SHANK2: variants seen among roughly 807,000 people sequenced by gnomAD.
SHANK2 encodes the protein SH3 and multiple ankyrin repeat domains 2.
A neutral mutation model predicts 133.7 loss-of-function variants in SHANK2; 43 were observed. That is an observed-to-expected ratio of 0.32 (90% CI 0.25 to 0.41). SHANK2 has a LOEUF of 0.41. Among genes scored for constraint, SHANK2 ranks in the 10% least tolerant of loss-of-function variants. SHANK2 has a pLI of 1.00. For synonymous variants in SHANK2, 1,017 were observed against 952.8 expected (o/e 1.07, Z -1.24); for missense variants, 1,994 against 2,235.8 (o/e 0.89, Z 2.18).
At chr11:70,602,006 G>A (rs1310109697) in intron 17 of SHANK2, among the ~76,000 whole-genome samples, 1 of 152,212 alleles carries the variant, frequency 6.6e-6, no homozygotes, top group African/African-American at 2.4e-5. Flanking sequence ...TGTTGGAGGT[G>A]GGGCCTGGCA....
chr11:70,571,823 G>T lies in SHANK2; in HGVS notation c.2062-68892C>A, dbSNP rs531013523. Among the ~76,000 whole-genome samples, 4 of 152,174 alleles carry T rather than the reference G, an allele frequency of 2.6e-5. No individual in the cohort carries two copies. The South Asian group carries it at 8.3e-4, about 32-fold the overall frequency. ...GGGGGCCCCAAGGAGGAGTGGAGAC[G>T]AGGGGAGAGGGAACTGGAAAGCGAG... is the stretch of plus-strand genomic sequence containing the variant. On this transcript the variant is annotated intron_variant, in intron 17 of 25. Coordinates refer to ENST00000601538, the MANE Select transcript of SHANK2 (RefSeq NM_012309.5).
At chr11:70,577,967 C>A (rs565357731) in intron 17 of SHANK2, among the ~76,000 whole-genome samples, 6 of 152,092 alleles carry the variant, frequency 3.9e-5, no homozygotes, top group African/African-American at 1.4e-4. Context: ...CAGCTGAATG[C>A]GAGCCCAGGA....
At chr11:70,870,263 T>C (rs892384841) in intron 11 of SHANK2, among the ~76,000 whole-genome samples, 26 of 151,310 alleles carry the variant, frequency 1.7e-4, no homozygotes, top group African/African-American at 5.6e-4. Flanking sequence ...CCCAGAGCCG[T>C]CCCCTCCTGC....
At chr11:71,207,000 T>C (rs141880871) in intron 2 of SHANK2, among the ~76,000 whole-genome samples, 5,314 of 151,998 alleles carry the variant, frequency 0.035, 117 homozygotes, top group Middle Eastern at 0.037. Context: ...GAGTGAGGAT[T>C]GCTTGAGCCC....
rs192033877 is a variant in SHANK2, at chr11:70,681,915, G to A, written c.1853+16773C>T. On this transcript the variant is annotated intron_variant, in intron 15 of 25. Coordinates refer to ENST00000601538, the MANE Select transcript of SHANK2 (RefSeq NM_012309.5). ...AAGATGTGGAGGGGCGGACATCACC[G>A]GGCTTTATAATAACAGGGTCTGGGC... Among the ~76,000 whole-genome samples, 52 of 152,246 alleles carry A rather than the reference G, an allele frequency of 3.4e-4. 1 individual carries two copies. The highest frequency in any genetic ancestry group is 7.2e-4 in the Admixed American group (11 of 15,290).
chr11:70,710,256 C>T (rs541077854), intron 14 of SHANK2, among the ~76,000 whole-genome samples: 21 of 152,298 alleles, frequency 1.4e-4, no homozygotes, highest in Admixed American at 2.6e-4. Flanking sequence ...CTCTTCACAA[C>T]GGCCTAAGAG....
chr11:70,743,641 T>G (rs1365997432), intron 14 of SHANK2, among the ~76,000 whole-genome samples: 4 of 152,102 alleles, frequency 2.6e-5, no homozygotes, highest in African/African-American at 9.7e-5. Context: ...AGCTTCTCTA[T>G]AGAGCGACGA....
chr11:71,138,907 G>A (rs1590949347), intron 3 of SHANK2, among the ~76,000 whole-genome samples: 2 of 152,300 alleles, frequency 1.3e-5, no homozygotes, highest in South Asian at 2.1e-4. Context: ...GCCACAGGGT[G>A]AGGCAGCACA....
At chr11:70,796,771 G>T (rs1186888127) in intron 14 of SHANK2, among the ~76,000 whole-genome samples, 5 of 152,198 alleles carry the variant, frequency 3.3e-5, no homozygotes, top group African/African-American at 1.2e-4. Context: ...GGATGCCTGA[G>T]GTCAGAAGCT....
At chr11:70,704,987 C>G (rs1004590829) in intron 14 of SHANK2, among the ~76,000 whole-genome samples, 3 of 152,158 alleles carry the variant, frequency 2.0e-5, no homozygotes, top group African/African-American at 7.2e-5. Context: ...CCCCACCCAC[C>G]AGCATTGTCT....
chr11:70,617,038 TGA>T (rs1210044696), intron 17 of SHANK2, among the ~76,000 whole-genome samples: 2 of 151,896 alleles, frequency 1.3e-5, no homozygotes, highest in African/African-American at 2.4e-5. Flanking sequence ...TGTGTGTCTA[TGA>T]GTGTGTGTGT....
chr11:70,678,303 C>T (rs1555017680), intron 15 of SHANK2, among the ~76,000 whole-genome samples: 1 of 152,020 alleles, frequency 6.6e-6, no homozygotes, highest in Non-Finnish European at 1.5e-5. Flanking sequence ...CCACCAGGCC[C>T]AGCTAATTTT....
intron 14 of SHANK2, among the ~76,000 whole-genome samples, chr11:70,760,272 C>A (rs1431055589): frequency 1.3e-5 from 2 of 152,330 alleles, no homozygotes; most frequent in Middle Eastern, 3.4e-3. Flanking sequence ...CATAAAGCCC[C>A]GTTCCACCCT....
At chr11:70,901,723 G>A (rs971134574) in intron 10 of SHANK2, among the ~76,000 whole-genome samples, 17 of 152,140 alleles carry the variant, frequency 1.1e-4, no homozygotes, top group African/African-American at 2.2e-4. Context: ...ACTTCCTGTC[G>A]CCTCCCTCTG....
intron 6 of SHANK2, among the ~76,000 whole-genome samples, chr11:71,109,053 A>C (rs782578356): frequency 6.6e-6 from 1 of 152,206 alleles, no homozygotes; most frequent in Admixed American, 6.5e-5. Flanking sequence ...TGACACCAGT[A>C]TGTGATGATG....
At chr11:70,676,647 A>G (rs571931771) in intron 15 of SHANK2, among the ~76,000 whole-genome samples, 103 of 152,322 alleles carry the variant, frequency 6.8e-4, no homozygotes, top group Non-Finnish European at 1.1e-3. Context: ...CATAATGTGA[A>G]TATTTGGAGC....
intron 6 of SHANK2, among the ~76,000 whole-genome samples, chr11:71,103,550 G>A (rs1205629827): frequency 2.6e-5 from 4 of 152,218 alleles, no homozygotes; most frequent in East Asian, 3.8e-4. Flanking sequence ...CTGAGCTGCC[G>A]TAGTTGATGC....
intron 9 of SHANK2, among the ~76,000 whole-genome samples, chr11:71,062,996 C>CAAAAAAA (rs1169050698): frequency 8.6e-4 from 60 of 69,746 alleles, no homozygotes; most frequent in African/African-American, 3.0e-3. Flanking sequence ...GACCCTGTCT[C>CAAAAAAA]AAAAAAAAAA....
chr11:70,508,628 C>A (rs2135864762), intron 17 of SHANK2, among the ~76,000 whole-genome samples: 1 of 152,338 alleles, frequency 6.6e-6, no homozygotes, highest in African/African-American at 2.4e-5. Flanking sequence ...TGTGGCAGCT[C>A]ACACTTGTAA....
Sources: gnomAD v4.1 joint callset for allele counts (sites outside exome capture counted in the v4.1 genomes callset) on GRCh38, gnomAD v4.1.1 for gene constraint, MANE v1.5 for transcripts, NCBI Gene and HGNC (gene_info 2026-07-23, HGNC 2026-07-21) for gene names.